Variants in SNX12 observed in about 807,000 individuals in gnomAD.
SNX12 encodes sorting nexin-12.
For missense variants in SNX12, 62 were observed against 141.3 expected, an observed-to-expected ratio of 0.44 and a Z score of 2.84; for synonymous variants, 47 against 56.0, an observed-to-expected ratio of 0.84 and a Z score of 0.71.
chrX:71,066,584 C>T (rs2147703908), intron 1 of SNX12, among the ~76,000 whole-genome samples: 1 of 94,489 alleles, frequency 1.1e-5, no homozygotes, highest in African/African-American at 4.1e-5. Flanking sequence ...AACGAGACTC[C>T]ATCTCTTAAA....
Position 71,062,368 on chromosome X carries a change from C to CTTT in SNX12, c.262-404_262-402dup, listed in dbSNP as rs761195647. Among the ~76,000 whole-genome samples the CTTT allele has an allele frequency of 3.1e-3, 220 of 71,294 alleles. 3 individuals carry two copies. Among genetic ancestry groups the CTTT allele is most frequent in the African/African-American group, 6.2e-3 (103 of 16,511 alleles). 61.9% of individuals were successfully genotyped at this position (71,294 alleles called of 115,157 possible). ...AAACTTGTCCTGAACTTACCACTTT[C>CTTT]TTTTTTTTTTTTTTTTTTTTTTGAG... is the stretch of plus-strand genomic sequence containing the variant. On this transcript the variant is annotated intron_variant, in intron 2 of 3. Coordinates refer to ENST00000374274, the MANE Select transcript of SNX12 (RefSeq NM_013346.4).
upstream of SNX12, chrX:71,068,522 G>A (rs1280691790): frequency 3.5e-6 from 1 of 283,956 alleles, no homozygotes; most frequent in Admixed American, 6.4e-5. Context: ...CTGTAGAGTG[G>A]AGGCCATATT....
At chrX:71,064,521 GTC>G (rs1258768435) in intron 1 of SNX12, among the ~76,000 whole-genome samples, 1 of 112,530 alleles carries the variant, frequency 8.9e-6, no homozygotes, top group Non-Finnish European at 1.9e-5. Flanking sequence ...GACTCTATGT[GTC>G]TGTTTATCCT....
chrX:71,067,849 T>C (rs1204812114), intron 1 of SNX12, among the ~76,000 whole-genome samples: 2 of 110,313 alleles, frequency 1.8e-5, no homozygotes, highest in Non-Finnish European at 3.8e-5. Flanking sequence ...TCCTATCTCC[T>C]TGAATTCCTC....
chrX:71,067,332 G>T (rs1792269371), intron 1 of SNX12, among the ~76,000 whole-genome samples: 1 of 111,403 alleles, frequency 9.0e-6, no homozygotes, highest in Non-Finnish European at 1.9e-5. Flanking sequence ...GGACAGAAAG[G>T]GCAAAAAGCC....
At chrX:71,070,514 A>G (rs2092169059), upstream of SNX12, among the ~76,000 whole-genome samples, 2 of 112,006 alleles carry the variant, frequency 1.8e-5, no homozygotes, top group Admixed American at 1.9e-4. Flanking sequence ...CAAATTATAC[A>G]AACAGTTTTC....
chrX:71,062,368 CTTTTTTTTTT>C (rs761195647), intron 2 of SNX12, among the ~76,000 whole-genome samples: 6 of 71,396 alleles, frequency 8.4e-5, no homozygotes, highest in East Asian at 4.2e-4. Context: ...TTACCACTTT[CTTTTTTTTTT>C]TTTTTTTTTT....
chrX:71,068,508 C>T (rs1602273513), upstream of SNX12: 1 of 300,398 alleles, frequency 3.3e-6, no homozygotes, highest in Non-Finnish European at 5.7e-6. Flanking sequence ...GACTGCTGCG[C>T]GCCCTGTAGA....
At chrX:71,065,167 C>G (rs12559861) in intron 1 of SNX12, among the ~76,000 whole-genome samples, 8,140 of 109,213 alleles carry the variant, frequency 0.075, 434 homozygotes, top group Admixed American at 0.25. Context: ...GTCAGGAGTT[C>G]GAGACCAGCC....
At chrX:71,062,699 A>G (rs1179430576) in intron 2 of SNX12, among the ~76,000 whole-genome samples, 155 bp downstream of exon 2, 2 of 111,996 alleles carry the variant, frequency 1.8e-5, no homozygotes, top group Non-Finnish European at 1.9e-5. Context: ...AAGTTTCAAA[A>G]GGTATCCCCC....
chrX:71,064,256 T>C (rs769602949), intron 1 of SNX12, among the ~76,000 whole-genome samples: 69 of 112,030 alleles, frequency 6.2e-4, no homozygotes, highest in Non-Finnish European at 9.6e-4. Flanking sequence ...CTCTCCATTC[T>C]ACCAGTGCTC....
In SNX12 at chrX:71,060,723, G is replaced by A; in HGVS notation, c.*293C>T. 3 of 263,517 alleles carry A rather than the reference G, an allele frequency of 1.1e-5. No homozygotes were observed. Among genetic ancestry groups the A allele is most frequent in the South Asian group, 9.7e-5 (1 of 10,303 alleles). The allele number at this position is 263,517 out of a possible 1,213,427, so 21.7% of individuals were successfully genotyped here. On this transcript the variant is annotated 3_prime_UTR_variant, in exon 4 of 4. Coordinates refer to ENST00000374274, the MANE Select transcript of SNX12 (RefSeq NM_013346.4). ...CAAGCGCCCCCCTCCCCCCAGGTTAGCCTTCTGGCATGGGTAAATGCCCAA... is the reference window on the plus strand; with the variant it reads ...CAAGCGCCCCCCTCCCCCCAGGTTAACCTTCTGGCATGGGTAAATGCCCAA...
At chrX:71,063,203 T>C (rs1167872577) in intron 1 of SNX12, among the ~76,000 whole-genome samples, 2 of 111,778 alleles carry the variant, frequency 1.8e-5, no homozygotes, top group Admixed American at 9.5e-5. Context: ...AATATGTACA[T>C]ATAAGAGTTT....
At chrX:71,068,090 C>A in intron 1 of SNX12, 52 bp downstream of exon 1, 1 of 1,098,287 alleles carries the variant, frequency 9.1e-7, no homozygotes, top group East Asian at 3.3e-5. Context: ...TCCCCCCTCC[C>A]GCTCGCGCCG....
upstream of SNX12, among the ~76,000 whole-genome samples, chrX:71,071,565 T>TTA (rs776680384): frequency 2.2e-3 from 116 of 53,435 alleles, 3 homozygotes; most frequent in African/African-American, 0.013. Flanking sequence ...TATATAATAT[T>TTA]TATATATTAT....
At chrX:71,065,739 G>C (rs1469922296) in intron 1 of SNX12, among the ~76,000 whole-genome samples, 1 of 110,456 alleles carries the variant, frequency 9.1e-6, no homozygotes, top group African/African-American at 3.3e-5. Flanking sequence ...GGGAGGCAGA[G>C]GTTGCAGTGA....
rs2092139801 is a variant in SNX12 at position 71,063,492 on chromosome X, GTCT to G, written c.166-546_166-544del. Among the ~76,000 whole-genome samples, 2 of 99,156 alleles carry G rather than the reference GTCT, an allele frequency of 2.0e-5. 1 individual carries two copies. Among genetic ancestry groups the G allele is most frequent in the Admixed American group, 2.3e-4 (2 of 8,882 alleles). The allele number at this position is 99,156 out of a possible 115,157, so 86.1% of individuals were successfully genotyped here. A position where few individuals can be genotyped will look rare whatever the true frequency, so the allele number is the denominator to read the frequency against. On this transcript the variant is annotated intron_variant, in intron 1 of 3. Coordinates refer to ENST00000374274, the MANE Select transcript of SNX12 (RefSeq NM_013346.4). ...ATCCTGAGAGACAGAGTGAGATTCTGTCTCAAAAAAAAAAAAAAGAGTTTCACT... is the reference window on the plus strand; with the variant it reads ...ATCCTGAGAGACAGAGTGAGATTCTGCAAAAAAAAAAAAAAGAGTTTCACT...
intron 1 of SNX12, among the ~76,000 whole-genome samples, chrX:71,067,156 C>T (rs2092156728): frequency 8.9e-6 from 1 of 112,271 alleles, no homozygotes; most frequent in Non-Finnish European, 1.9e-5. Context: ...AAAGATCCTG[C>T]AAACCAAGTA....
chrX:71,066,126 C>T (rs1194286562), intron 1 of SNX12, among the ~76,000 whole-genome samples: 1 of 112,417 alleles, frequency 8.9e-6, no homozygotes, highest in Non-Finnish European at 1.9e-5. Context: ...GTTCAAATTC[C>T]AGCCCTGTCA....
Sources: allele counts gnomAD v4.1 joint callset (sites outside exome capture counted in the v4.1 genomes callset), GRCh38; gene constraint gnomAD v4.1.1; transcripts MANE v1.5; gene names NCBI Gene and HGNC (gene_info 2026-07-23, HGNC 2026-07-21).